CHAT: variants seen among roughly 807,000 people sequenced by gnomAD.
CHAT encodes acetyl CoA:choline O-acetyltransferase.
A neutral mutation model predicts 76.9 loss-of-function variants in CHAT; 61 were observed. The ratio of observed to expected loss-of-function variants is 0.79; its 90% CI spans 0.65 to 0.98. The LOEUF (loss-of-function observed/expected upper bound fraction) is 0.98. Ranked by LOEUF, CHAT falls within the 50% of genes least tolerant of loss-of-function variation. The probability of loss-of-function intolerance (pLI) is 0.00; values close to 1 mark genes in which losing one functional copy is unlikely to be tolerated. For missense variants in CHAT, 946 were observed against 986.9 expected (o/e 0.96, Z 0.56); for synonymous variants, 407 against 397.4 (o/e 1.02, Z -0.29).
rs1057167711 is a variant in CHAT, at chr10:49,614,620, G to T, written c.286+145G>T. The T allele has an allele frequency of 9.4e-6, 7 of 741,460 alleles. No individual in the cohort carries two copies. In the Admixed American group the frequency reaches 2.0e-4, roughly 21 times the overall value. 45.9% of individuals were successfully genotyped at this position (741,460 alleles called of 1,614,324 possible). On this transcript the variant is annotated intron_variant, in intron 1 of 14. Coordinates refer to ENST00000337653, the MANE Select transcript of CHAT (RefSeq NM_020549.5). ...TGAGTCCTGCGCAGCAGCGGCCGTC[G>T]GGGGTCAGCTAGGAAGCTGCAGGAT...
At position 49,614,337 on chromosome 10, in the gene CHAT, G is replaced by T. The variant is rs765746009; in HGVS notation, c.148G>T (p.Gly50Cys). Residue 50 changes from glycine (G) to cysteine (C), a missense_variant, in exon 1 of 15, where the codon GGC (glycine) becomes TGC (cysteine). Physicochemically the swap from Gly to Cys is radical, Grantham distance 159. This residue lies in a region of CHAT where 548 missense variants were observed against 516.2 expected (regional missense o/e 1.06). Coordinates refer to ENST00000337653, the MANE Select transcript of CHAT (RefSeq NM_020549.5). Reference sequence around the variant, plus strand: ...CCGCGGGGACCCGGGCGACGTCGGAGGCCCTGCCGGGAACCCAGGCTGCAG... The same window carrying T: ...CCGCGGGGACCCGGGCGACGTCGGATGCCCTGCCGGGAACCCAGGCTGCAG... ...GGRGDPGDVG[G>C]PAGNPGCSPH... The T allele has an allele frequency of 3.9e-6, 6 of 1,547,076 alleles. No homozygotes were observed. The highest frequency in any genetic ancestry group is 1.7e-6 in the Non-Finnish European group (2 of 1,146,008).
At position 49,666,543 on chromosome 10, in the gene CHAT, C is replaced by T. The variant is rs977497031; in HGVS notation, c.*1497C>T. On this transcript the variant is annotated 3_prime_UTR_variant, in exon 15 of 15. Coordinates refer to ENST00000337653, the MANE Select transcript of CHAT (RefSeq NM_020549.5). Reference sequence around the variant, plus strand: ...GCTCTAGCCCAGCAATCCTGTAGGTCTCCCTTCTTTGTGCCACTGTGAAGG... The same window carrying T: ...GCTCTAGCCCAGCAATCCTGTAGGTTTCCCTTCTTTGTGCCACTGTGAAGG... 6.6e-6 allele frequency among the ~76,000 whole-genome samples: 1 copy of T among 152,190 alleles called. No individual in the cohort carries two copies. The highest frequency in any genetic ancestry group is 6.5e-5 in the Admixed American group (1 of 15,284).
At chr10:49,658,324 T>C (rs1023725056) in intron 13 of CHAT, among the ~76,000 whole-genome samples, 3 of 152,300 alleles carry the variant, frequency 2.0e-5, no homozygotes, top group African/African-American at 7.2e-5. Context: ...AAGTCCAGCC[T>C]GACCAACATG....
At chr10:49,663,805 C>T (rs956145636) in intron 14 of CHAT, among the ~76,000 whole-genome samples, 5 of 152,192 alleles carry the variant, frequency 3.3e-5, no homozygotes, top group South Asian at 2.1e-4. Flanking sequence ...CGTGAATAAA[C>T]GAGGACAGAA....
rs117782698 is a variant in CHAT, at chr10:49,630,506, A to C, written c.1111+2721A>C. 5.3e-3 allele frequency among the ~76,000 whole-genome samples: 805 copies of C among 152,318 alleles called. 4 individuals carry two copies. The highest frequency in any genetic ancestry group is 0.013 in the South Asian group (62 of 4,828). On this transcript the variant is annotated intron_variant, in intron 7 of 14. Coordinates refer to ENST00000337653, the MANE Select transcript of CHAT (RefSeq NM_020549.5). The stretch of plus-strand genomic sequence containing the variant: ...TGCACACTGACAGAAGTGATCCAAC[A>C]GCAGAAAGAAATTGTCGATGAGGCA...
chr10:49,635,328 T>C lies in CHAT; in HGVS notation c.1111+7543T>C, dbSNP rs969046380. 4.6e-5 allele frequency among the ~76,000 whole-genome samples: 7 copies of C among 152,356 alleles called. No homozygotes were observed. The South Asian group carries it at 6.2e-4, about 14-fold the overall frequency. ...TGCTAGGTATCAGTTTCTTTCATTG[T>C]TTACCCATCAAAGGACATCCGGGTT... On this transcript the variant is annotated intron_variant, in intron 7 of 14. Transcript: ENST00000337653.
chr10:49,635,367 A>T (rs1839261581), intron 7 of CHAT, among the ~76,000 whole-genome samples: 1 of 152,114 alleles, frequency 6.6e-6, no homozygotes, highest in Non-Finnish European at 1.5e-5. Context: ...TCCAGTTTTG[A>T]GCTATTAAAG....
At chr10:49,658,332 A>G (rs1840093538) in intron 13 of CHAT, among the ~76,000 whole-genome samples, 1 of 152,212 alleles carries the variant, frequency 6.6e-6, no homozygotes, top group African/African-American at 2.4e-5. Context: ...CCTGACCAAC[A>G]TGGAGAAACC....
chr10:49,618,728 C>T (rs996505525), intron 2 of CHAT, among the ~76,000 whole-genome samples: 23 of 152,134 alleles, frequency 1.5e-4, no homozygotes, highest in African/African-American at 5.1e-4. Context: ...GCACAGCATG[C>T]GTATAGAAGG....
chr10:49,649,496 C>A lies in CHAT; in HGVS notation c.1383-12C>A. On this transcript the variant is annotated splice_polypyrimidine_tract_variant and intron_variant, in intron 9 of 14. Transcript: ENST00000337653. ...GCCGCAGAGCCTCAGGAGGTTGCCTCTGTGCCCGCAGGACGCAGAGCAGCA... is the reference window on the plus strand; with the variant it reads ...GCCGCAGAGCCTCAGGAGGTTGCCTATGTGCCCGCAGGACGCAGAGCAGCA... The A allele has an allele frequency of 6.2e-7, 1 of 1,613,796 alleles. No individual in the cohort carries two copies. Among genetic ancestry groups the A allele is most frequent in the Non-Finnish European group, 8.5e-7 (1 of 1,180,040 alleles).
intron 2 of CHAT, among the ~76,000 whole-genome samples, chr10:49,618,172 A>G (rs946173650): frequency 1.3e-5 from 2 of 152,198 alleles, no homozygotes; most frequent in Non-Finnish European, 2.9e-5. Flanking sequence ...ATCCAAAGCC[A>G]TCTTTTATCC....
rs377156965 is a variant in CHAT, at chr10:49,614,284, G to A, written c.95G>A (p.Arg32Gln). The A allele has an allele frequency of 2.6e-6, 4 of 1,548,402 alleles. No individual in the cohort carries two copies. In the African/African-American group the frequency reaches 4.1e-5, roughly 16 times the overall value. ...GGTACAAGAGGAAGGAGAGAAGTGC[G>A]GCCAGCTTGCTTTCTCCAGTCGGGT... ...GGGTRGRREV[R>Q]PACFLQSGGR... Residue 32 changes from arginine (R) to glutamine (Q), a missense_variant, in exon 1 of 15, where the codon CGG (arginine) becomes CAG (glutamine). Physicochemically the swap from Arg to Gln is conservative, Grantham distance 43 (BLOSUM62 1). Coordinates refer to ENST00000337653, the MANE Select transcript of CHAT (RefSeq NM_020549.5).
Position 49,619,892 on chromosome 10 carries a change from G to A in CHAT, c.555G>A (p.Glu185=), listed in dbSNP as rs1838640543. The A allele has an allele frequency of 1.2e-6, 2 of 1,612,776 alleles. No individual in the cohort carries two copies. The highest frequency in any genetic ancestry group is 2.7e-5 in the African/African-American group (2 of 75,012). The change falls in exon 3 of 15, where the codon GAG becomes GAA. Residue 185 remains glutamate (E), a synonymous_variant. Coordinates refer to ENST00000337653, the MANE Select transcript of CHAT (RefSeq NM_020549.5). ...AGACCCTGCAGCAGAAACTCCTGGA[G>A]CGGCAGGAGAAGACAGCCAACTGGG... ...LGETLQQKLL[E]RQEKTANWVS...
intron 4 of CHAT, among the ~76,000 whole-genome samples, chr10:49,621,249 C>T (rs933921299): frequency 3.9e-5 from 6 of 152,026 alleles, no homozygotes; most frequent in African/African-American, 7.2e-5. Context: ...CAAAGTGGCC[C>T]GAGGACAAGA....
At chr10:49,663,377 G>A (rs569929976) in intron 14 of CHAT, among the ~76,000 whole-genome samples, 13 of 152,270 alleles carry the variant, frequency 8.5e-5, no homozygotes, top group South Asian at 6.2e-4. Context: ...ATCTATTGCC[G>A]CGGTTTCCAC....
At chr10:49,616,392 G>A (rs905237930) in intron 1 of CHAT, 110 bp from the exon 2 acceptor site, 18 of 849,132 alleles carry the variant, frequency 2.1e-5, no homozygotes, top group Non-Finnish European at 3.0e-5. Flanking sequence ...CAGCTGTCAG[G>A]CTCTGGCCTC....
intron 7 of CHAT, among the ~76,000 whole-genome samples, chr10:49,628,747 C>G (rs1481959271): frequency 6.6e-6 from 1 of 152,230 alleles, no homozygotes; most frequent in Admixed American, 6.5e-5. Context: ...GAACAAAGCC[C>G]CATGGCATGA....
Position 49,614,095 on chromosome 10 carries a change from A to G in CHAT, c.-95A>G. 4 of 1,543,124 alleles carry G rather than the reference A, an allele frequency of 2.6e-6. No individual in the cohort carries two copies. In the South Asian group the frequency reaches 3.6e-5, roughly 14 times the overall value. ...GACAGTGTTCTGTGCCCCCTTCTAG[A>G]GCCTAAATTTGTTGCCCGAGTTCCT... On this transcript the variant is annotated 5_prime_UTR_variant, in exon 1 of 15. Transcript: ENST00000337653.
At chr10:49,610,180 G>C (rs889463431), upstream of CHAT, 1 of 152,032 alleles carries the variant, frequency 6.6e-6, no homozygotes, top group African/African-American at 2.4e-5. Context: ...CCCCGCCCCC[G>C]GCCCCCGCCC....
Sources: allele counts gnomAD v4.1 joint callset (sites outside exome capture counted in the v4.1 genomes callset), GRCh38; gene constraint gnomAD v4.1.1; regional missense constraint gnomAD v4.1.1; transcripts MANE v1.5; gene names NCBI Gene and HGNC (gene_info 2026-07-23, HGNC 2026-07-21).